JPH2: variants seen among roughly 807,000 people sequenced by gnomAD.
The protein encoded by JPH2 is junctophilin-2.
In JPH2, 38 loss-of-function variants were observed where a neutral mutation model predicts 55.9. That is an observed-to-expected ratio of 0.68 (90% CI 0.52 to 0.89). JPH2 has a LOEUF of 0.89. Ranked by LOEUF, JPH2 falls within the 40% of genes least tolerant of loss-of-function variation. JPH2 has a pLI of 0.00. For missense variants in JPH2, 964 were observed against 1,037.6 expected (o/e 0.93, Z 0.97); for synonymous variants, 480 against 472.4 (o/e 1.02, Z -0.21).
At chr20:44,128,121 C>G (rs979038129) in intron 2 of JPH2, among the ~76,000 whole-genome samples, 1 of 152,086 alleles carries the variant, frequency 6.6e-6, no homozygotes. Context: ...TTAATGGAGT[C>G]CAATTTAGCT....
intron 2 of JPH2, among the ~76,000 whole-genome samples, chr20:44,134,102 T>A (rs1269767181): frequency 7.7e-5 from 2 of 26,140 alleles, no homozygotes; most frequent in African/African-American, 1.9e-4. Flanking sequence ...ATATATTTAT[T>A]ATAAATATAT....
chr20:44,129,720 G>A (rs1030486048), intron 2 of JPH2, among the ~76,000 whole-genome samples: 1 of 152,150 alleles, frequency 6.6e-6, no homozygotes. Flanking sequence ...GGGCTTTGCA[G>A]GTGTGATTAA....
intron 1 of JPH2, chr20:44,176,831 T>C: frequency 1.0e-6 from 1 of 974,162 alleles, no homozygotes; most frequent in Admixed American, 6.2e-5. Flanking sequence ...CATAAAGGAT[T>C]CCAATTTAAT....
In JPH2 at chr20:44,186,611, G is replaced by T. The variant is rs758053818; in HGVS notation, c.95C>A (p.Pro32His). Residue 32 changes from proline (P) to histidine (H), a missense_variant, in exon 1 of 6, where the codon CCC (proline) becomes CAC (histidine). Pro to His is a moderately conservative substitution (Grantham distance 77, BLOSUM62 -2). Transcript: ENST00000372980. ...KAHGHGLCTG[P>H]KGQGEYSGSW... ...GCCAGAGTATTCGCCCTGGCCCTTGGGGCCTGTGCACAGTCCATGCCCATG... is the reference window on the plus strand; with the variant it reads ...GCCAGAGTATTCGCCCTGGCCCTTGTGGCCTGTGCACAGTCCATGCCCATG... 1 of 1,613,080 alleles carries T rather than the reference G, an allele frequency of 6.2e-7. No homozygotes were observed. The highest frequency in any genetic ancestry group is 8.5e-7 in the Non-Finnish European group (1 of 1,179,972).
rs748073251 is a variant in JPH2, at chr20:44,186,661, G to A, written c.45C>T (p.Cys15=). The A allele has an allele frequency of 8.6e-6, 10 of 1,166,612 alleles. No homozygotes were observed. Among genetic ancestry groups the A allele is most frequent in the Non-Finnish European group, 1.1e-5 (9 of 850,184 alleles). The allele number at this position is 1,166,612 out of a possible 1,614,324, so 72.3% of individuals were successfully genotyped here. A position where few individuals can be genotyped will look rare whatever the true frequency, so the allele number is the denominator to read the frequency against. The part of the protein sequence containing the change: ...RFDFDDGGAY[C]GGWEGGKAHG... ...GGGCCTTTCCCCCCTCCCAGCCCCCGCAGTACGCCCCTCCATCATCAAAGT... is the reference window on the plus strand; with the variant it reads ...GGGCCTTTCCCCCCTCCCAGCCCCCACAGTACGCCCCTCCATCATCAAAGT... Residue 15 remains cysteine, a synonymous_variant, in exon 1 of 6, where the codon TGC becomes TGT. Transcript: ENST00000372980.
chr20:44,177,866 C>T (rs1054912025), intron 1 of JPH2: 42 of 1,609,926 alleles, frequency 2.6e-5, no homozygotes, highest in East Asian at 1.3e-4. Flanking sequence ...GAAGGAAATA[C>T]GGGAATATAT....
intron 2 of JPH2, among the ~76,000 whole-genome samples, chr20:44,123,231 T>C (rs2072250737): frequency 6.6e-6 from 1 of 152,150 alleles, no homozygotes; most frequent in Non-Finnish European, 1.5e-5. Flanking sequence ...GATCCCAGCC[T>C]TCAGGCCAGG....
In JPH2 at chr20:44,118,489, C is replaced by T; in HGVS notation, c.1288+16G>A. On this transcript the variant is annotated intron_variant, in intron 3 of 5. Transcript: ENST00000372980. Reference sequence around the variant, plus strand: ...GGATAGCCCTACCCTGCCCATCCTTCCCTGGCTGGCCCTACCTGGCTGGTA... The same window carrying T: ...GGATAGCCCTACCCTGCCCATCCTTTCCTGGCTGGCCCTACCTGGCTGGTA... 6.3e-7 allele frequency: 1 copy of T among 1,598,972 alleles called. No homozygotes were observed. The highest frequency in any genetic ancestry group is 8.6e-7 in the Non-Finnish European group (1 of 1,168,524).
At chr20:44,156,574 T>C (rs903705157) in intron 2 of JPH2, among the ~76,000 whole-genome samples, 15 of 152,064 alleles carry the variant, frequency 9.9e-5, no homozygotes, top group Non-Finnish European at 4.4e-5. Flanking sequence ...ATTGTCTTCC[T>C]CCAAAATGGC....
chr20:44,118,771 C>CT (rs887775932), intron 2 of JPH2, 148 bp from the exon 3 acceptor site: 49 of 704,288 alleles, frequency 7.0e-5, no homozygotes, highest in African/African-American at 4.3e-4. Context: ...ATGGCCCAGA[C>CT]TGCTATGCAT....
chr20:44,173,908 G>C (rs1475406390), intron 1 of JPH2, among the ~76,000 whole-genome samples: 1 of 152,098 alleles, frequency 6.6e-6, no homozygotes, highest in Admixed American at 6.5e-5. Context: ...GAGAGACTCC[G>C]ACTCAAAACA....
intron 1 of JPH2, among the ~76,000 whole-genome samples, chr20:44,178,998 A>T (rs1465151516): frequency 6.6e-6 from 1 of 152,170 alleles, no homozygotes; most frequent in Non-Finnish European, 1.5e-5. Context: ...AATTAGCTGA[A>T]GTCATAAGCT....
chr20:44,108,116 A>T lies in JPH2; in HGVS notation c.*5402T>A, dbSNP rs2072118907. 6.6e-6 allele frequency among the ~76,000 whole-genome samples: 1 copy of T among 152,180 alleles called. No individual in the cohort carries two copies. The highest frequency in any genetic ancestry group is 1.5e-5 in the Non-Finnish European group (1 of 68,036). On this transcript the variant is annotated 3_prime_UTR_variant, in exon 6 of 6. Transcript: ENST00000372980. ...ATGATTCAATCAATCACCTCTACATAATGAAGTCCCAATAAAAACTCTGGA... is the reference window on the plus strand; with the variant it reads ...ATGATTCAATCAATCACCTCTACATTATGAAGTCCCAATAAAAACTCTGGA...
chr20:44,131,482 G>A (rs1230130624), intron 2 of JPH2, among the ~76,000 whole-genome samples: 1 of 152,182 alleles, frequency 6.6e-6, no homozygotes, highest in Non-Finnish European at 1.5e-5. Context: ...GCTGCTCTAT[G>A]TGGGGACAAT....
intron 1 of JPH2, among the ~76,000 whole-genome samples, chr20:44,166,501 T>C (rs2072656729): frequency 6.6e-6 from 1 of 152,220 alleles, no homozygotes; most frequent in Non-Finnish European, 1.5e-5. Flanking sequence ...TGGCATGAGA[T>C]GGGCTGATGT....
intron 2 of JPH2, among the ~76,000 whole-genome samples, chr20:44,149,364 C>T (rs151138295): frequency 1.3e-5 from 2 of 152,372 alleles, no homozygotes; most frequent in African/African-American, 2.4e-5. Flanking sequence ...GCTCCCAGCT[C>T]TCGTGGCTAC....
At chr20:44,149,555 C>A (rs1396371312) in intron 2 of JPH2, among the ~76,000 whole-genome samples, 1 of 152,222 alleles carries the variant, frequency 6.6e-6, no homozygotes, top group Non-Finnish European at 1.5e-5. Flanking sequence ...CCTCCCTCCC[C>A]ATTTCCCTGC....
intron 2 of JPH2, among the ~76,000 whole-genome samples, chr20:44,147,468 A>G (rs1477132574): frequency 6.6e-6 from 1 of 152,256 alleles, no homozygotes; most frequent in Non-Finnish European, 1.5e-5. Flanking sequence ...ATCTCAAAAC[A>G]TATTACATCA....
chr20:44,179,516 G>A (rs1376482592), intron 1 of JPH2, among the ~76,000 whole-genome samples: 1 of 152,148 alleles, frequency 6.6e-6, no homozygotes, highest in Non-Finnish European at 1.5e-5. Flanking sequence ...TTAACTAGTA[G>A]CCAGGCACAG....
Sources: allele counts gnomAD v4.1 joint callset (sites outside exome capture counted in the v4.1 genomes callset), GRCh38; gene constraint gnomAD v4.1.1; transcripts MANE v1.5; gene names NCBI Gene and HGNC (gene_info 2026-07-23, HGNC 2026-07-21).